The following CPED1 variants were observed in gnomAD, a reference collection of about 807,000 sequenced individuals.
CPED1 encodes cadherin-like and PC-esterase domain-containing protein 1.
Under a neutral mutation model 128.2 loss-of-function variants are expected in CPED1, and 114 were observed. The ratio of observed to expected loss-of-function variants is 0.89; its 90% CI spans 0.76 to 1.04. CPED1 has a LOEUF of 1.04. Ranked by LOEUF, CPED1 falls within the 50% of genes least tolerant of loss-of-function variation. CPED1 has a pLI of 0.00. For synonymous variants in CPED1, 462 were observed against 426.7 expected (o/e 1.08, Z -1.02); for missense variants, 1,211 against 1,207.1 (o/e 1.00, Z -0.05).
At chr7:121,047,698 T>TCCTCCTCCTCCTCCTCCTCC (rs1793243819) in intron 4 of CPED1, among the ~76,000 whole-genome samples, 1 of 35,654 alleles carries the variant, frequency 2.8e-5, no homozygotes, top group African/African-American at 9.3e-5. Context: ...CTTCTTCTTC[T>TCCTCCTCCTCCTCCTCCTCC]TCTTCTTCTT....
intron 16 of CPED1, among the ~76,000 whole-genome samples, chr7:121,224,266 G>T (rs1450908180): frequency 6.6e-6 from 1 of 152,156 alleles, no homozygotes; most frequent in African/African-American, 2.4e-5. Flanking sequence ...TAGTTGTGCG[G>T]TTTTGAGTGA....
chr7:121,044,650 C>CTTTTTTTTTTTTTTTTTTTTTTTTTTT (rs58884492), intron 3 of CPED1, among the ~76,000 whole-genome samples: 1 of 106,038 alleles, frequency 9.4e-6, no homozygotes, highest in African/African-American at 3.4e-5. Flanking sequence ...ACTTTCTGCT[C>CTTTTTTTTTTTTTTTTTTTTTTTTTTT]TTTTTTTTTT....
At chr7:121,110,791 G>T (rs1795090227) in intron 7 of CPED1, among the ~76,000 whole-genome samples, 1 of 152,206 alleles carries the variant, frequency 6.6e-6, no homozygotes, top group Non-Finnish European at 1.5e-5. Context: ...CCATTCTGCT[G>T]CTTTGTGGAG....
At position 121,015,789 on chromosome 7, in the gene CPED1, C is replaced by T. The variant is rs752999333; in HGVS notation, c.374C>T (p.Thr125Met). ...CACATTCTGACTCAACATGGCTATACGGTTGTCATCGCTGAAGAAAGGCTC... is the reference window on the plus strand; with the variant it reads ...CACATTCTGACTCAACATGGCTATATGGTTGTCATCGCTGAAGAAAGGCTC... The part of the protein sequence containing the change: ...HQHILTQHGY[T>M]VVIAEERLNA... Residue 125 changes from threonine to methionine, a missense_variant, in exon 3 of 23, where the codon ACG (threonine) becomes ATG (methionine). Transcript: ENST00000310396. 71 of 1,601,606 alleles carry T rather than the reference C, an allele frequency of 4.4e-5. No individual in the cohort carries two copies. In the Admixed American group the frequency reaches 6.7e-4, roughly 15 times the overall value.
intron 16 of CPED1, among the ~76,000 whole-genome samples, chr7:121,185,948 A>G (rs540644512): frequency 6.6e-6 from 1 of 152,344 alleles, no homozygotes; most frequent in East Asian, 1.9e-4. Context: ...AATGTTTTGC[A>G]AACAACTGAT....
At chr7:121,070,932 A>C (rs952144014) in intron 5 of CPED1, among the ~76,000 whole-genome samples, 1 of 152,124 alleles carries the variant, frequency 6.6e-6, no homozygotes, top group African/African-American at 2.4e-5. Context: ...CTAGGTCACC[A>C]ACTCTTTGAT....
chr7:121,007,506 T>G (rs1048832826), intron 2 of CPED1, among the ~76,000 whole-genome samples: 7 of 152,210 alleles, frequency 4.6e-5, no homozygotes, highest in Non-Finnish European at 7.3e-5. Flanking sequence ...GGTATCAGTA[T>G]TTCAGATGTG....
intron 5 of CPED1, among the ~76,000 whole-genome samples, chr7:121,071,237 A>G (rs1349499092): frequency 1.3e-5 from 2 of 152,162 alleles, no homozygotes; most frequent in Non-Finnish European, 2.9e-5. Context: ...AAATTTCCTC[A>G]TGTTTCTTAT....
chr7:121,044,750 T>A (rs919298294), intron 3 of CPED1, among the ~76,000 whole-genome samples: 6 of 151,192 alleles, frequency 4.0e-5, no homozygotes, highest in African/African-American at 1.5e-4. Context: ...ATTATTTAAA[T>A]GTGTCTTCCC....
chr7:121,186,606 C>A (rs1346679675), intron 16 of CPED1, among the ~76,000 whole-genome samples: 14 of 152,012 alleles, frequency 9.2e-5, no homozygotes, highest in Non-Finnish European at 8.8e-5. Flanking sequence ...GTTATAGATA[C>A]CTGCAGTTTA....
chr7:121,221,584 T>C (rs1181157880), intron 16 of CPED1, among the ~76,000 whole-genome samples: 1 of 152,266 alleles, frequency 6.6e-6, no homozygotes, highest in East Asian at 1.9e-4. Context: ...CCACCAACAG[T>C]GTAAAAGTGT....
intron 16 of CPED1, among the ~76,000 whole-genome samples, chr7:121,157,701 GAACCC>G (rs895978319): frequency 5.3e-4 from 80 of 152,140 alleles, no homozygotes; most frequent in African/African-American, 1.9e-3. Context: ...GTAAGGTTGA[GAACCC>G]ATGAATCAGG....
intron 16 of CPED1, among the ~76,000 whole-genome samples, chr7:121,159,123 A>G (rs1796355376): frequency 1.3e-5 from 2 of 152,140 alleles, no homozygotes; most frequent in African/African-American, 4.8e-5. Context: ...AACTGTAGGG[A>G]AAAAAATGCC....
rs1437394271 is a variant in CPED1, at chr7:121,097,807, C to G, written c.725C>G (p.Pro242Arg). The change falls in exon 6 of 23, where the codon CCA (proline) becomes CGA (arginine). Residue 242 changes from proline (P) to arginine (R), a missense_variant. By Grantham distance (103) the Pro-to-Arg change is moderately radical (BLOSUM62 -2). Coordinates refer to ENST00000310396, the MANE Select transcript of CPED1 (RefSeq NM_024913.5). ...LKTVKPRVWK[P>R]GDWSREQLNE... ...ACAGTGAAGCCACGTGTGTGGAAAC[C>G]AGGGGACTGGAGTCGTGAACAGCTG... The G allele has an allele frequency of 3.7e-6, 6 of 1,613,606 alleles. No homozygotes were observed. Among genetic ancestry groups the G allele is most frequent in the Non-Finnish European group, 5.1e-6 (6 of 1,179,746 alleles).
In CPED1 at chr7:121,196,002, G is replaced by T. The variant is rs7785211; in HGVS notation, c.2056-40712G>T. ...GCTTAGGTTGCCGCTTTCCTAGAAGGCCGGGGGGAGATGGTGTTTAGTGGG... is the reference window on the plus strand; with the variant it reads ...GCTTAGGTTGCCGCTTTCCTAGAAGTCCGGGGGGAGATGGTGTTTAGTGGG... On this transcript the variant is annotated intron_variant, in intron 16 of 22. Coordinates refer to ENST00000310396, the MANE Select transcript of CPED1 (RefSeq NM_024913.5). Among the ~76,000 whole-genome samples, 708 of 151,882 alleles carry T rather than the reference G, an allele frequency of 4.7e-3. 4 individuals carry two copies. Among genetic ancestry groups the T allele is most frequent in the Middle Eastern group, 0.02 (6 of 294 alleles).
At chr7:121,173,803 G>T (rs1341670449) in intron 16 of CPED1, among the ~76,000 whole-genome samples, 1 of 151,982 alleles carries the variant, frequency 6.6e-6, no homozygotes, top group East Asian at 1.9e-4. Flanking sequence ...TTGAGGAATT[G>T]CCTGACTGCT....
chr7:121,231,675 A>C (rs114480349), intron 16 of CPED1, among the ~76,000 whole-genome samples: 2,724 of 152,210 alleles, frequency 0.018, 83 homozygotes, highest in African/African-American at 0.061. Context: ...TAAGTAAAAT[A>C]AAAAAAGGAA....
chr7:121,205,739 A>G (rs1435533040), intron 16 of CPED1, among the ~76,000 whole-genome samples: 1 of 151,998 alleles, frequency 6.6e-6, no homozygotes, highest in Non-Finnish European at 1.5e-5. Context: ...CCCTTTGAAA[A>G]TTTTGCAAGC....
intron 16 of CPED1, among the ~76,000 whole-genome samples, chr7:121,229,819 A>C (rs1458815152): frequency 6.6e-6 from 1 of 151,988 alleles, no homozygotes; most frequent in Non-Finnish European, 1.5e-5. Context: ...CACGTCCTAA[A>C]AAAAGAAATG....
Sources: allele counts gnomAD v4.1 joint callset (sites outside exome capture counted in the v4.1 genomes callset), GRCh38; gene constraint gnomAD v4.1.1; transcripts MANE v1.5; gene names NCBI Gene and HGNC (gene_info 2026-07-23, HGNC 2026-07-21).